The following EFCAB11 variants were observed in gnomAD, a reference collection of about 807,000 sequenced individuals.
The protein encoded by EFCAB11 is EF-hand calcium binding domain 11, also known as EF-hand calcium-binding domain-containing protein 11.
In EFCAB11, 14 loss-of-function variants were observed where a neutral mutation model predicts 23.0. That is an observed-to-expected ratio of 0.61 (90% CI 0.40 to 0.95). The LOEUF is 0.95. Ranked by LOEUF, EFCAB11 falls within the 40% of genes least tolerant of loss-of-function variation. The pLI is 0.00. For missense variants in EFCAB11, 198 were observed against 195.8 expected (o/e 1.01, Z -0.07); for synonymous variants, 65 against 66.6 (o/e 0.98, Z 0.11).
At chr14:89,954,233 G>T (rs1031414588) in intron 1 of EFCAB11, 2 of 1,157,868 alleles carry the variant, frequency 1.7e-6, no homozygotes, top group Non-Finnish European at 2.5e-6. Flanking sequence ...ACCGCTAGGT[G>T]ACGCAAATTA....
intron 5 of EFCAB11, among the ~76,000 whole-genome samples, chr14:89,860,771 G>A (rs369360305): frequency 1.3e-5 from 2 of 152,320 alleles, no homozygotes; most frequent in East Asian, 3.9e-4. Flanking sequence ...GGGTTACAGT[G>A]TGAAAACAGG....
chr14:89,930,224 T>C (rs188252742), intron 5 of EFCAB11, among the ~76,000 whole-genome samples: 70 of 152,360 alleles, frequency 4.6e-4, no homozygotes, highest in African/African-American at 1.6e-3. Context: ...ATGAATTTCA[T>C]ATATGTCACT....
intron 3 of EFCAB11, among the ~76,000 whole-genome samples, chr14:89,936,336 A>G (rs1890581126): frequency 6.6e-6 from 1 of 152,222 alleles, no homozygotes; most frequent in Non-Finnish European, 1.5e-5. Flanking sequence ...ACTCATGAGT[A>G]TTTGGAGCTG....
chr14:89,836,963 A>G (rs1397014146), intron 5 of EFCAB11: 1 of 450,530 alleles, frequency 2.2e-6, no homozygotes, highest in Non-Finnish European at 4.5e-6. Flanking sequence ...TGGAGGCTGC[A>G]GTGAGCCAAG....
intron 5 of EFCAB11, among the ~76,000 whole-genome samples, chr14:89,834,932 A>G (rs1887023913): frequency 6.6e-6 from 1 of 152,214 alleles, no homozygotes; most frequent in South Asian, 2.1e-4. Flanking sequence ...TACCCCTGCC[A>G]TTGTGACCAG....
intron 3 of EFCAB11, among the ~76,000 whole-genome samples, chr14:89,942,728 C>T (rs1890834455): frequency 6.6e-6 from 1 of 152,132 alleles, no homozygotes; most frequent in African/African-American, 2.4e-5. Context: ...TGTTAGGTTA[C>T]AGGCAATAAA....
chr14:89,940,596 T>C (rs1316033448), intron 3 of EFCAB11, among the ~76,000 whole-genome samples: 4 of 152,238 alleles, frequency 2.6e-5, no homozygotes, highest in African/African-American at 9.6e-5. Flanking sequence ...GCTTTGATTT[T>C]TCCATCATTC....
At chr14:89,900,712 A>C (rs1303992069) in intron 5 of EFCAB11, among the ~76,000 whole-genome samples, 5 of 152,234 alleles carry the variant, frequency 3.3e-5, no homozygotes, top group African/African-American at 1.2e-4. Context: ...AATCAGGGAG[A>C]GTTAGAAAGA....
At chr14:89,889,661 C>T (rs958079329) in intron 5 of EFCAB11, among the ~76,000 whole-genome samples, 10 of 152,260 alleles carry the variant, frequency 6.6e-5, no homozygotes, top group Non-Finnish European at 1.3e-4. Context: ...ACATGGCTCC[C>T]ACTGAATACT....
rs568706115 is a variant in EFCAB11, at chr14:89,897,441, C to T, written c.410+34100G>A. 2.1e-3 allele frequency among the ~76,000 whole-genome samples: 317 copies of T among 152,040 alleles called. 1 individual carries two copies. Among genetic ancestry groups the T allele is most frequent in the African/African-American group, 7.3e-3 (301 of 41,434 alleles). On this transcript the variant is annotated intron_variant, in intron 5 of 5. Coordinates refer to ENST00000316738, the MANE Select transcript of EFCAB11 (RefSeq NM_145231.4). ...CCAGATGGTCTTGATCTCCTGACCT[C>T]GTGATCCACCCACCTCGGCCTCCCA...
chr14:89,896,096 A>AGTCTGGCG (rs1889145468), intron 5 of EFCAB11, among the ~76,000 whole-genome samples: 1 of 152,186 alleles, frequency 6.6e-6, no homozygotes, highest in South Asian at 2.1e-4. Flanking sequence ...AAGATTAAGA[A>AGTCTGGCG]GTCTGGCGGC....
chr14:89,863,671 C>T (rs148240328), intron 5 of EFCAB11, among the ~76,000 whole-genome samples: 2 of 152,360 alleles, frequency 1.3e-5, no homozygotes, highest in East Asian at 3.9e-4. Context: ...AATGGGGATG[C>T]ACCCTGCACA....
intron 5 of EFCAB11, among the ~76,000 whole-genome samples, chr14:89,834,966 C>T (rs1233168717): frequency 6.6e-6 from 1 of 152,196 alleles, no homozygotes; most frequent in Non-Finnish European, 1.5e-5. Flanking sequence ...GTGGTTAGTG[C>T]TGAAGAAAGT....
chr14:89,800,623 G>C (rs1022030968), intron 5 of EFCAB11, among the ~76,000 whole-genome samples: 2 of 152,204 alleles, frequency 1.3e-5, no homozygotes, highest in Non-Finnish European at 2.9e-5. Context: ...TGTAAAAGAG[G>C]ATAATTAACT....
At chr14:89,847,244 CCT>C (rs1428910555) in intron 5 of EFCAB11, among the ~76,000 whole-genome samples, 5 of 152,230 alleles carry the variant, frequency 3.3e-5, no homozygotes, top group East Asian at 3.9e-4. Context: ...CTAATCATCC[CCT>C]CTTTCTCTAA....
chr14:89,846,413 T>C (rs1467858893), intron 5 of EFCAB11, among the ~76,000 whole-genome samples: 1 of 152,216 alleles, frequency 6.6e-6, no homozygotes, highest in Non-Finnish European at 1.5e-5. Flanking sequence ...ATTTGGATTA[T>C]TAACAAAGTA....
At chr14:89,865,577 C>T (rs958843069) in intron 5 of EFCAB11, among the ~76,000 whole-genome samples, 26 of 152,142 alleles carry the variant, frequency 1.7e-4, no homozygotes, top group African/African-American at 5.8e-4. Context: ...TCACGGCTCA[C>T]TGCAGCGTCA....
chr14:89,829,443 G>A (rs1367166029), intron 5 of EFCAB11, among the ~76,000 whole-genome samples: 3 of 152,218 alleles, frequency 2.0e-5, no homozygotes, highest in Admixed American at 6.5e-5. Context: ...GCTGGGGTAC[G>A]ATGATGACCA....
intron 5 of EFCAB11, among the ~76,000 whole-genome samples, chr14:89,835,865 T>G (rs1887063160): frequency 6.6e-6 from 1 of 151,452 alleles, no homozygotes; most frequent in South Asian, 2.1e-4. Context: ...TGACCTCAGA[T>G]GATCTACCTG....
Sources: allele counts gnomAD v4.1 joint callset (sites outside exome capture counted in the v4.1 genomes callset), GRCh38; gene constraint gnomAD v4.1.1; transcripts MANE v1.5; gene names NCBI Gene and HGNC (gene_info 2026-07-23, HGNC 2026-07-21).